OR51B5: variants seen among roughly 807,000 people sequenced by gnomAD.
The protein encoded by OR51B5 is olfactory receptor 51B5.
For missense variants in OR51B5, 456 were observed against 374.6 expected (o/e 1.22, Z -1.79); for synonymous variants, 186 against 144.8 (o/e 1.28, Z -2.04).
Position 5,454,291 on chromosome 11 carries a change from T to C in OR51B5, n.84+51278A>G, listed in dbSNP as rs201937222. The C allele has an allele frequency of 3.1e-5, 50 of 1,614,026 alleles. No individual in the cohort carries two copies. The South Asian group carries it at 5.2e-4, about 17-fold the overall frequency. On this transcript the variant is annotated intron_variant and non_coding_transcript_variant, in intron 1 of 4. Transcript: ENST00000415970. ...ACAGTGCACCGCTTTGGGAAGCATG[T>C]CCCATGCTACATACATGTCCTCATG...
At chr11:5,422,898 G>A (rs769804142) in intron 1 of OR51B5, 10 of 1,614,012 alleles carry the variant, frequency 6.2e-6, no homozygotes, top group Non-Finnish European at 8.5e-6. Flanking sequence ...ACAGCCACCT[G>A]GGCTGAGCGA....
intron 1 of OR51B5, among the ~76,000 whole-genome samples, chr11:5,401,201 C>T (rs1849962557): frequency 6.6e-6 from 1 of 152,186 alleles, no homozygotes; most frequent in East Asian, 1.9e-4. Flanking sequence ...GTTTAGATTT[C>T]CACTGTTGTT....
At chr11:5,365,250 A>G (rs1849347036) in intron 1 of OR51B5, among the ~76,000 whole-genome samples, 1 of 152,192 alleles carries the variant, frequency 6.6e-6, no homozygotes, top group Non-Finnish European at 1.5e-5. Context: ...CATCTAGTGA[A>G]CCAGAAGGGC....
intron 1 of OR51B5, among the ~76,000 whole-genome samples, chr11:5,457,705 T>C (rs1454930122): frequency 6.6e-6 from 1 of 152,250 alleles, no homozygotes; most frequent in Non-Finnish European, 1.5e-5. Flanking sequence ...TTCATTTGCA[T>C]TTCTCTAATG....
intron 1 of OR51B5, chr11:5,351,562 G>T: frequency 6.2e-7 from 1 of 1,614,012 alleles, no homozygotes; most frequent in Non-Finnish European, 8.5e-7. Context: ...CCCAGGCATG[G>T]AGAAGGCACA....
At chr11:5,408,654 T>C (rs1850098635) in intron 1 of OR51B5, among the ~76,000 whole-genome samples, 1 of 152,138 alleles carries the variant, frequency 6.6e-6, no homozygotes, top group Non-Finnish European at 1.5e-5. Context: ...GACCAGCCTG[T>C]GATCACAATG....
intron 1 of OR51B5, among the ~76,000 whole-genome samples, chr11:5,484,680 T>C (rs867926934): frequency 3.1e-4 from 47 of 152,210 alleles, no homozygotes; most frequent in African/African-American, 1.1e-3. Context: ...GGACTTGTCT[T>C]CTTCGGTTTA....
Position 5,373,099 on chromosome 11 carries a change from A to T in OR51B5, n.85-26189T>A, listed in dbSNP as rs1313461049. On this transcript the variant is annotated intron_variant and non_coding_transcript_variant, in intron 1 of 4. Transcript: ENST00000415970. ...AGTCTCCTCAACAAATAGTGTTGGGAAAACTGGATATCCAAATGCAAAAGA... is the reference window on the plus strand; with the variant it reads ...AGTCTCCTCAACAAATAGTGTTGGGTAAACTGGATATCCAAATGCAAAAGA... Among the ~76,000 whole-genome samples the T allele has an allele frequency of 2.6e-5, 4 of 152,318 alleles. No individual in the cohort carries two copies. The South Asian group carries it at 8.3e-4, about 32-fold the overall frequency.
At chr11:5,434,568 T>G (rs899390501) in intron 1 of OR51B5, among the ~76,000 whole-genome samples, 6 of 152,122 alleles carry the variant, frequency 3.9e-5, no homozygotes, top group Non-Finnish European at 7.4e-5. Context: ...CTGCCTCACC[T>G]GAAGATGCTG....
chr11:5,385,770 G>T, intron 1 of OR51B5, among the ~76,000 whole-genome samples: 1 of 147,518 alleles, frequency 6.8e-6, no homozygotes, highest in Admixed American at 6.8e-5. Context: ...TAAATATACA[G>T]ACACATATAT....
chr11:5,359,965 C>T (rs1319000873), intron 1 of OR51B5, among the ~76,000 whole-genome samples: 3 of 152,176 alleles, frequency 2.0e-5, no homozygotes, highest in Non-Finnish European at 4.4e-5. Context: ...AACTGGATCC[C>T]TTTCTTACAC....
At chr11:5,385,324 A>T (rs1849670382) in intron 1 of OR51B5, 1 of 152,132 alleles carries the variant, frequency 6.6e-6, no homozygotes, top group South Asian at 2.1e-4. Context: ...AAGAGAAATA[A>T]TCCCAGCCCT....
chr11:5,341,137 A>G (rs1222316854), downstream of OR51B5: 2 of 152,196 alleles, frequency 1.3e-5, no homozygotes, highest in Non-Finnish European at 2.9e-5. Flanking sequence ...TATGAGCAAT[A>G]CCTGAGATAG....
chr11:5,476,857 A>G (rs1851314442), intron 1 of OR51B5, among the ~76,000 whole-genome samples: 1 of 152,140 alleles, frequency 6.6e-6, no homozygotes, highest in South Asian at 2.1e-4. Context: ...ATAGCTAACT[A>G]GCTAGGTAAA....
upstream of OR51B5, chr11:5,343,666 T>G (rs1455415704): frequency 3.7e-6 from 2 of 537,024 alleles, no homozygotes; most frequent in African/African-American, 3.8e-5. Flanking sequence ...AGTGATTGTT[T>G]CTCAAAATAC....
chr11:5,478,809 GA>G (rs1166849653), intron 1 of OR51B5, among the ~76,000 whole-genome samples: 1 of 150,610 alleles, frequency 6.6e-6, no homozygotes, highest in Non-Finnish European at 1.5e-5. Flanking sequence ...GAAGTTTAGA[GA>G]AAAAAGAATA....
At chr11:5,437,848 T>G (rs1003840295) in intron 1 of OR51B5, among the ~76,000 whole-genome samples, 2 of 151,978 alleles carry the variant, frequency 1.3e-5, no homozygotes, top group African/African-American at 4.8e-5. Context: ...AGTTTTAGAG[T>G]GAGGGTGTAT....
chr11:5,472,185 T>A (rs772111636), intron 1 of OR51B5, among the ~76,000 whole-genome samples: 1 of 152,090 alleles, frequency 6.6e-6, no homozygotes, highest in Non-Finnish European at 1.5e-5. Context: ...GAAGCCAGCA[T>A]AGTGGCAGTT....
chr11:5,454,026 C>A, intron 1 of OR51B5: 1 of 1,614,072 alleles, frequency 6.2e-7, no homozygotes, highest in Non-Finnish European at 8.5e-7. Context: ...CTCCTACTGC[C>A]TGCACCCAGA....
Sources: allele counts gnomAD v4.1 joint callset (sites outside exome capture counted in the v4.1 genomes callset), GRCh38; gene constraint gnomAD v4.1.1; transcripts MANE v1.5; gene names NCBI Gene and HGNC (gene_info 2026-07-23, HGNC 2026-07-21).